GRIPAP1: variants seen among roughly 807,000 people sequenced by gnomAD.
The protein encoded by GRIPAP1 is GRIP1 associated protein 1.
GRIPAP1 carries 14 observed loss-of-function variants against 84.1 expected under a neutral mutation model. The observed-to-expected ratio is 0.17, with a 90% CI of 0.11 to 0.26. The LOEUF (loss-of-function observed/expected upper bound fraction) is 0.26, where lower values mean the gene tolerates loss of function less well. GRIPAP1 is among the 10% of genes least tolerant of loss of function. GRIPAP1 has a pLI of 1.00. For missense variants in GRIPAP1, 518 were observed against 674.2 expected, an observed-to-expected ratio of 0.77 and a Z score of 2.57; for synonymous variants, 261 against 256.8, an observed-to-expected ratio of 1.02 and a Z score of -0.15.
chrX:48,987,176 T>G (rs1447533681), intron 13 of GRIPAP1, among the ~76,000 whole-genome samples: 9 of 85,500 alleles, frequency 1.1e-4, no homozygotes, highest in Non-Finnish European at 2.0e-4. Flanking sequence ...TTAGACGGAG[T>G]CTCGCTCTGT....
In GRIPAP1 at chrX:48,991,707, G is replaced by A. The variant is rs189785690; in HGVS notation, c.458-597C>T. On this transcript the variant is annotated intron_variant, in intron 6 of 25. Transcript: ENST00000376423. ...ACAAAAATTAGCTGGGCGTGGTGGC[G>A]CACGCGCTTGTAATCCCAGCTACTC... Among the ~76,000 whole-genome samples, 16 of 112,181 alleles carry A rather than the reference G, an allele frequency of 1.4e-4. No individual in the cohort carries two copies. In the East Asian group the frequency reaches 1.7e-3, roughly 12 times the overall value.
chrX:48,993,366 C>T (rs1182542071), intron 6 of GRIPAP1, 62 bp downstream of exon 6: 19 of 991,750 alleles, frequency 1.9e-5, no homozygotes, highest in South Asian at 5.2e-5. Context: ...GAGAGGATGA[C>T]GGCCTTCCTT....
At chrX:48,979,711 A>G (rs1184962804) in intron 21 of GRIPAP1, among the ~76,000 whole-genome samples, 2 of 105,158 alleles carry the variant, frequency 1.9e-5, no homozygotes, top group Non-Finnish European at 3.9e-5. Flanking sequence ...TCCTGGGTTC[A>G]GGCAATTCTC....
intron 25 of GRIPAP1, 26 bp from the exon 26 acceptor site, chrX:48,974,311 G>C (rs2064411059): frequency 9.8e-7 from 1 of 1,020,355 alleles, no homozygotes; most frequent in East Asian, 3.0e-5. Context: ...ACCATCAGGG[G>C]CCAGAGAAGG....
chrX:48,976,179 C>A, intron 23 of GRIPAP1, 62 bp downstream of exon 23: 1 of 1,188,927 alleles, frequency 8.4e-7, no homozygotes, highest in South Asian at 1.8e-5. Context: ...CGGGCCCGGG[C>A]AGACCCCACA....
At chrX:48,987,157 T>C in intron 13 of GRIPAP1, among the ~76,000 whole-genome samples, 1 of 102,126 alleles carries the variant, frequency 9.8e-6, no homozygotes, top group Non-Finnish European at 2.0e-5. Context: ...TTTTTTTTTT[T>C]TTTTTTTTTT....
intron 25 of GRIPAP1, among the ~76,000 whole-genome samples, chrX:48,974,724 C>T (rs995227352): frequency 9.0e-6 from 1 of 111,400 alleles, no homozygotes. Flanking sequence ...AATTGGTGGA[C>T]GAATGAATTG....
chrX:48,974,639 G>C (rs1372750048), intron 25 of GRIPAP1, among the ~76,000 whole-genome samples: 1 of 111,949 alleles, frequency 8.9e-6, no homozygotes, highest in Admixed American at 9.5e-5. Context: ...CAGAGATGGG[G>C]AAAGTCCTTG....
chrX:48,987,887 C>G lies in GRIPAP1; in HGVS notation c.949-10G>C. On this transcript the variant is annotated splice_polypyrimidine_tract_variant and intron_variant, in intron 12 of 25. Coordinates refer to ENST00000376423, the MANE Select transcript of GRIPAP1 (RefSeq NM_020137.5). ...CACTCTGGATGGATACCTGGCCCCA[C>G]GTCCACAGCAGGTGAGAGTGGGTCC... 1 of 1,165,421 alleles carries G rather than the reference C, an allele frequency of 8.6e-7. No individual in the cohort carries two copies. The highest frequency in any genetic ancestry group is 1.2e-6 in the Non-Finnish European group (1 of 857,224).
At chrX:48,991,462 G>C (rs2064520081) in intron 6 of GRIPAP1, 1 of 175,040 alleles carries the variant, frequency 5.7e-6, no homozygotes, top group Non-Finnish European at 1.1e-5. Context: ...TGATTTTTTT[G>C]TAGAGACAAG....
intron 1 of GRIPAP1, among the ~76,000 whole-genome samples, chrX:48,999,707 C>A (rs2064566827): frequency 9.0e-6 from 1 of 110,828 alleles, no homozygotes; most frequent in Non-Finnish European, 1.9e-5. Context: ...CCACTTATAA[C>A]CCCAGCCAGC....
chrX:48,992,359 C>A (rs781918264), intron 6 of GRIPAP1, among the ~76,000 whole-genome samples: 18 of 112,226 alleles, frequency 1.6e-4, no homozygotes, highest in Non-Finnish European at 3.0e-4. Context: ...CTAGGCTGGT[C>A]TTAAACTCCT....
Position 48,985,341 on chromosome X carries a change from G to A in GRIPAP1, c.1103C>T (p.Ala368Val). Residue 368 changes from alanine to valine, a missense_variant, in exon 14 of 26, where the codon GCT (alanine) becomes GTT (valine). Transcript: ENST00000376423. The stretch of plus-strand genomic sequence containing the variant: ...CTCAGCCTGCTGCTGCTGCAACTCA[G>A]CTGCCAGCCCAGTGGTCTGTTCCCG... Reference protein sequence around the residue: ...MLREQTTGLAAELQQQQAEYE... With the variant: ...MLREQTTGLAVELQQQQAEYE... 8.3e-7 allele frequency: 1 copy of A among 1,206,428 alleles called. No individual in the cohort carries two copies. The highest frequency in any genetic ancestry group is 1.1e-6 in the Non-Finnish European group (1 of 890,637).
chrX:48,988,485 T>A (rs1317641609), intron 11 of GRIPAP1: 1 of 317,014 alleles, frequency 3.2e-6, no homozygotes, highest in African/African-American at 2.7e-5. Context: ...CCATAAGAAG[T>A]CTCATGCTCA....
Position 48,988,132 on chromosome X carries a change from G to C in GRIPAP1, c.937C>G (p.Leu313Val). ...RLEHAAALRALQDQVSIQSAD... is the reference protein window; with the variant it reads ...RLEHAAALRAVQDQVSIQSAD... ...GCAGTACAATATACCTGATCTTGTA[G>C]GGCCCGCAAAGCTGCTGCATGTTCC... is the stretch of plus-strand genomic sequence containing the variant. Residue 313 changes from leucine (L) to valine (V), a missense_variant, in exon 12 of 26, where the codon CTA (leucine) becomes GTA (valine). Transcript: ENST00000376423. The C allele has an allele frequency of 8.4e-7, 1 of 1,197,531 alleles. No homozygotes were observed. Among genetic ancestry groups the C allele is most frequent in the Non-Finnish European group, 1.1e-6 (1 of 887,014 alleles).
At chrX:48,999,185 T>C (rs1156646393) in intron 3 of GRIPAP1, 53 bp downstream of exon 3, 6 of 921,593 alleles carry the variant, frequency 6.5e-6, no homozygotes, top group Middle Eastern at 5.3e-4. Flanking sequence ...ATGAGTCAGA[T>C]AGGTAGAAGC....
In GRIPAP1 at chrX:48,983,250, C is replaced by T. The variant is rs201225759; in HGVS notation, c.1463G>A (p.Arg488His). 5.0e-5 allele frequency: 61 copies of T among 1,210,248 alleles called. No homozygotes were observed. Among genetic ancestry groups the T allele is most frequent in the African/African-American group, 8.7e-5 (5 of 57,575 alleles). Reference protein sequence around the residue: ...EDKKRQEEELRGQIREEKART... With the variant: ...EDKKRQEEELHGQIREEKART... ...CACCTTCTCCTCCCGGATCTGCCCA[C>T]GGAGCTCCTCCTCCTGACGCTTCTT... The change falls in exon 16 of 26, where the codon CGT (arginine) becomes CAT (histidine). Residue 488 changes from arginine (R) to histidine (H), a missense_variant. Physicochemically the swap from Arg to His is conservative, Grantham distance 29. This residue lies in a region of GRIPAP1 where 372 missense variants were observed against 458.1 expected (regional missense o/e 0.81). Coordinates refer to ENST00000376423, the MANE Select transcript of GRIPAP1 (RefSeq NM_020137.5).
intron 6 of GRIPAP1, 105 bp downstream of exon 6, chrX:48,993,323 C>T: frequency 3.9e-6 from 3 of 771,519 alleles, no homozygotes; most frequent in Non-Finnish European, 5.4e-6. Flanking sequence ...GGGCATGGGC[C>T]AACCCTATTT....
rs369629783 is a variant in GRIPAP1 at position 48,989,799 on chromosome X, C to T, written c.770+36G>A. 4 of 1,182,038 alleles carry T rather than the reference C, an allele frequency of 3.4e-6. No homozygotes were observed. The African/African-American group carries it at 5.3e-5, about 16-fold the overall frequency. ...CTGTAATCTTCACTGGGCACTGTCC[C>T]AATTGTCCACCAATACCCGCAAATC... On this transcript the variant is annotated intron_variant, in intron 10 of 25. Coordinates refer to ENST00000376423, the MANE Select transcript of GRIPAP1 (RefSeq NM_020137.5).
Sources: allele counts gnomAD v4.1 joint callset (sites outside exome capture counted in the v4.1 genomes callset), GRCh38; gene constraint gnomAD v4.1.1; regional missense constraint gnomAD v4.1.1; transcripts MANE v1.5; gene names NCBI Gene and HGNC (gene_info 2026-07-23, HGNC 2026-07-21).